The following C10orf90 variants were observed in gnomAD, a reference collection of about 807,000 sequenced individuals.
The protein encoded by C10orf90 is chromosome 10 open reading frame 90, also known as (E2-independent) E3 ubiquitin-conjugating enzyme FATS.
A neutral mutation model predicts 62.5 loss-of-function variants in C10orf90; 56 were observed. That is an observed-to-expected ratio of 0.90 (90% confidence interval 0.72 to 1.12). The LOEUF is 1.12. Among genes scored for constraint, C10orf90 ranks in the 50% most tolerant of loss-of-function variants. The probability of loss-of-function intolerance (pLI) is 0.00; values close to 1 mark genes in which losing one functional copy is unlikely to be tolerated. For missense variants in C10orf90, 970 were observed against 880.4 expected, an observed-to-expected ratio of 1.10 and a Z score of -1.29; for synonymous variants, 386 against 340.4, an observed-to-expected ratio of 1.13 and a Z score of -1.47.
At chr10:126,513,797 A>G (rs1159376545) in intron 3 of C10orf90, 51 bp downstream of exon 3, 1 of 1,171,066 alleles carries the variant, frequency 8.5e-7, no homozygotes, top group African/African-American at 1.5e-5. Context: ...ATTATATTTT[A>G]TAGATGGGTG....
chr10:126,643,920 C>T (rs1265401193), intron 2 of C10orf90, among the ~76,000 whole-genome samples: 1 of 152,132 alleles, frequency 6.6e-6, no homozygotes, highest in Non-Finnish European at 1.5e-5. Flanking sequence ...ATGGAGAGCC[C>T]AGAGGGCACA....
chr10:126,574,259 A>G (rs1408077267), intron 2 of C10orf90, among the ~76,000 whole-genome samples: 2 of 152,180 alleles, frequency 1.3e-5, no homozygotes, highest in African/African-American at 4.8e-5. Flanking sequence ...TATATTGAGC[A>G]CTCGTATGTG....
intron 2 of C10orf90, among the ~76,000 whole-genome samples, chr10:126,625,574 G>C (rs1845726553): frequency 6.6e-6 from 1 of 152,162 alleles, no homozygotes. Flanking sequence ...ATCCTGACAG[G>C]AGAAACTCTG....
At chr10:126,547,188 G>A (rs1294828082) in intron 2 of C10orf90, among the ~76,000 whole-genome samples, 2 of 152,108 alleles carry the variant, frequency 1.3e-5, no homozygotes, top group Non-Finnish European at 2.9e-5. Context: ...GGGAGGCCGA[G>A]GCGGGCGGAT....
Position 126,464,810 on chromosome 10 carries a change from G to A in C10orf90, c.1711C>T (p.Gln571Ter). 2 of 1,614,108 alleles carry A rather than the reference G, an allele frequency of 1.2e-6. No homozygotes were observed. Among genetic ancestry groups the A allele is most frequent in the Non-Finnish European group, 1.7e-6 (2 of 1,180,022 alleles). The change falls in exon 5 of 10, where the codon CAA becomes TAA. Residue 571 changes from glutamine (Q) to a stop codon, truncating the protein, a stop_gained. Transcript: ENST00000488181. LOFTEE classifies it high-confidence loss of function. ...AGGATTCTGGGTTTCAGGAAGCTTT[G>A]ATGTCGTCTCTCTGTGGGCTCAGAA... Reference protein sequence around the residue: ...DLSEPTERRHQSFLKPRILFP... With the variant: ...DLSEPTERRH
chr10:126,495,276 C>T (rs560740528), intron 4 of C10orf90, among the ~76,000 whole-genome samples: 1 of 152,266 alleles, frequency 6.6e-6, no homozygotes, highest in African/African-American at 2.4e-5. Flanking sequence ...GTAATCCTGG[C>T]ACTTTGGGAG....
intron 1 of C10orf90, among the ~76,000 whole-genome samples, chr10:126,648,036 G>A (rs891991198): frequency 6.6e-5 from 10 of 152,226 alleles, no homozygotes; most frequent in Admixed American, 6.5e-4. Flanking sequence ...GTGCAACAGT[G>A]TTGAGGGTGG....
At chr10:126,533,608 C>T (rs1248621935) in intron 2 of C10orf90, among the ~76,000 whole-genome samples, 1 of 152,156 alleles carries the variant, frequency 6.6e-6, no homozygotes, top group Non-Finnish European at 1.5e-5. Flanking sequence ...GGGACGGGAG[C>T]CCCCACATTT....
chr10:126,656,121 A>G (rs893736734), intron 1 of C10orf90, among the ~76,000 whole-genome samples: 1 of 152,184 alleles, frequency 6.6e-6, no homozygotes, highest in Admixed American at 6.5e-5. Flanking sequence ...AAATCGTAGC[A>G]GCCACACCAT....
chr10:126,434,116 T>C (rs1857759624), intron 7 of C10orf90, among the ~76,000 whole-genome samples: 1 of 152,236 alleles, frequency 6.6e-6, no homozygotes, highest in South Asian at 2.1e-4. Context: ...CCCTTGCCTG[T>C]GTCAAAGTCA....
intron 1 of C10orf90, among the ~76,000 whole-genome samples, chr10:126,647,507 G>A (rs771282137): frequency 6.6e-6 from 1 of 152,212 alleles, no homozygotes; most frequent in Non-Finnish European, 1.5e-5. Flanking sequence ...GTTGCAGAGG[G>A]GAATCTGTAG....
chr10:126,434,479 G>A (rs1256529929), intron 7 of C10orf90, among the ~76,000 whole-genome samples: 1 of 152,166 alleles, frequency 6.6e-6, no homozygotes, highest in Non-Finnish European at 1.5e-5. Flanking sequence ...TTAGGACAAT[G>A]CTTTCCAGAA....
chr10:126,540,993 A>G (rs1864362915), intron 2 of C10orf90, among the ~76,000 whole-genome samples: 1 of 152,180 alleles, frequency 6.6e-6, no homozygotes, highest in Non-Finnish European at 1.5e-5. Context: ...TATAAATATA[A>G]AAAAGTGAAA....
At chr10:126,571,853 A>G (rs1015852040) in intron 2 of C10orf90, among the ~76,000 whole-genome samples, 30 of 152,290 alleles carry the variant, frequency 2.0e-4, no homozygotes, top group Middle Eastern at 3.4e-3. Context: ...AGGGGCACCA[A>G]TCACACCTAA....
chr10:126,639,957 C>A (rs1042566463), intron 2 of C10orf90, among the ~76,000 whole-genome samples: 5 of 152,200 alleles, frequency 3.3e-5, no homozygotes, highest in African/African-American at 1.2e-4. Context: ...GAAGATGGCA[C>A]AGAAGCACAG....
At chr10:126,452,460 A>G (rs553669504) in intron 7 of C10orf90, among the ~76,000 whole-genome samples, 148 of 152,318 alleles carry the variant, frequency 9.7e-4, no homozygotes, top group African/African-American at 3.4e-3. Context: ...AAGTAGATTT[A>G]TATCTGTGGT....
intron 4 of C10orf90, among the ~76,000 whole-genome samples, chr10:126,495,078 C>T (rs1013604555): frequency 6.6e-6 from 1 of 152,206 alleles, no homozygotes; most frequent in African/African-American, 2.4e-5. Context: ...CATTCCCAAG[C>T]CCATGGTGCT....
At chr10:126,475,287 T>TGAG (rs1290244164) in intron 4 of C10orf90, among the ~76,000 whole-genome samples, 2 of 152,096 alleles carry the variant, frequency 1.3e-5, no homozygotes, top group African/African-American at 4.8e-5. Flanking sequence ...GATCAGTGAG[T>TGAG]GAGGGCTCAT....
intron 2 of C10orf90, chr10:126,524,551 G>T: frequency 1.2e-6 from 1 of 847,652 alleles, no homozygotes; most frequent in Non-Finnish European, 1.4e-6. Flanking sequence ...AAGGTGCACT[G>T]GGAGAAGCTG....
Sources: allele counts gnomAD v4.1 joint callset (sites outside exome capture counted in the v4.1 genomes callset), GRCh38; gene constraint gnomAD v4.1.1; transcripts MANE v1.5; gene names NCBI Gene and HGNC (gene_info 2026-07-23, HGNC 2026-07-21).